The following HPCA variants were observed in gnomAD, a reference collection of about 807,000 sequenced individuals.
HPCA encodes neuron-specific calcium-binding protein hippocalcin.
A neutral mutation model predicts 18.2 loss-of-function variants in HPCA; 4 were observed. The ratio of observed to expected loss-of-function variants is 0.22; its 90% CI spans 0.11 to 0.50. The LOEUF (loss-of-function observed/expected upper bound fraction) is 0.50, where lower values mean the gene tolerates loss of function less well. HPCA is among the 20% of genes least tolerant of loss of function. The pLI, the probability that HPCA is intolerant of heterozygous loss-of-function variation, is 0.97. For missense variants in HPCA, 161 were observed against 265.8 expected (o/e 0.61, Z 2.74); for synonymous variants, 93 against 103.5 (o/e 0.90, Z 0.61).
chr1:32,889,067 C>G lies in HPCA; in HGVS notation c.169C>G (p.Pro57Ala). 1 of 1,614,240 alleles carries G rather than the reference C, an allele frequency of 6.2e-7. No homozygotes were observed. Among genetic ancestry groups the G allele is most frequent in the Non-Finnish European group, 8.5e-7 (1 of 1,180,034 alleles). The stretch of plus-strand genomic sequence containing the variant: ...CAAGAAGATCTACGCCAACTTCTTT[C>G]CCTATGGTGACGCCTCCAAGTTTGC... ...EFKKIYANFF[P>A]YGDASKFAEH... The change falls in exon 2 of 4, where the codon CCC becomes GCC. Residue 57 changes from proline to alanine, a missense_variant. By Grantham distance (27) the Pro-to-Ala change is conservative. Coordinates refer to ENST00000373467, the MANE Select transcript of HPCA (RefSeq NM_002143.3). This position sits in a 1 kb window ranked among gnomAD's most constrained non-coding sequence, Gnocchi z 4.6.
chr1:32,893,439 C>G lies in HPCA; in HGVS notation c.379-85C>G, dbSNP rs1337721343. On this transcript the variant is annotated intron_variant, in intron 2 of 3. Coordinates refer to ENST00000373467, the MANE Select transcript of HPCA (RefSeq NM_002143.3). This position sits in a 1 kb window ranked among gnomAD's most constrained non-coding sequence, Gnocchi z 7.5. ...TTGCCCAGGCGGGGGCAGCAAACGTCAGAGAGCCCGGGGGCGCCTCTGAAT... is the reference window on the plus strand; with the variant it reads ...TTGCCCAGGCGGGGGCAGCAAACGTGAGAGAGCCCGGGGGCGCCTCTGAAT... The G allele has an allele frequency of 2.1e-6, 2 of 956,330 alleles. No individual in the cohort carries two copies. Among genetic ancestry groups the G allele is most frequent in the Non-Finnish European group, 3.3e-6 (2 of 610,824 alleles). The allele number at this position is 956,330 out of a possible 1,614,324, so 59.2% of individuals were successfully genotyped here.
rs1053542 is a variant in HPCA, at chr1:32,894,633, C to T, written c.*771C>T. On this transcript the variant is annotated 3_prime_UTR_variant, in exon 4 of 4. Coordinates refer to ENST00000373467, the MANE Select transcript of HPCA (RefSeq NM_002143.3). ...CTTTTTAATAATTTCAGAATAAAGT[C>T]TCATTTCAGTGCAGTGGGCTGGGTG... is the stretch of plus-strand genomic sequence containing the variant. 30,431 of 760,198 alleles carry T rather than the reference C, an allele frequency of 0.04. 964 individuals are homozygous for T. Among genetic ancestry groups the T allele is most frequent in the Admixed American group, 0.15 (5,123 of 35,324 alleles). 47.1% of individuals were successfully genotyped at this position (760,198 alleles called of 1,614,324 possible). A position where few individuals can be genotyped will look rare whatever the true frequency, so the allele number is the denominator to read the frequency against.
chr1:32,889,374 T>A lies in HPCA; in HGVS notation c.378+98T>A. ...CTCAGCAGACCTCGTAGGCATGTGG[T>A]GGCAGGGGATATTCTTGCAATCCCA... On this transcript the variant is annotated intron_variant, in intron 2 of 3. Transcript: ENST00000373467. The surrounding 1 kb of genome is among the most constrained non-coding windows in gnomAD (Gnocchi z 4.6). 1 of 1,268,942 alleles carries A rather than the reference T, an allele frequency of 7.9e-7. No individual in the cohort carries two copies. The highest frequency in any genetic ancestry group is 1.1e-6 in the Non-Finnish European group (1 of 927,566). The allele number at this position is 1,268,942 out of a possible 1,614,324, so 78.6% of individuals were successfully genotyped here. A position where few individuals can be genotyped will look rare whatever the true frequency, so the allele number is the denominator to read the frequency against.
chr1:32,888,861 C>T lies in HPCA; in HGVS notation c.-21-17C>T. On this transcript the variant is annotated splice_polypyrimidine_tract_variant and intron_variant, in intron 1 of 3. Transcript: ENST00000373467. Reference sequence around the variant, plus strand: ...CCTGATCACTCCTCTCTGCCCTTGACCCCCTTGGGGACCCAGGTGGGACTT... The same window carrying T: ...CCTGATCACTCCTCTCTGCCCTTGATCCCCTTGGGGACCCAGGTGGGACTT... The T allele has an allele frequency of 6.3e-7, 1 of 1,579,698 alleles. No individual in the cohort carries two copies. Among genetic ancestry groups the T allele is most frequent in the Non-Finnish European group, 8.6e-7 (1 of 1,164,042 alleles).
Position 32,893,376 on chromosome 1 carries a change from C to A in HPCA, c.379-148C>A. The A allele has an allele frequency of 1.6e-6, 1 of 635,918 alleles. No homozygotes were observed. Among genetic ancestry groups the A allele is most frequent in the South Asian group, 1.9e-5 (1 of 52,362 alleles). 39.4% of individuals were successfully genotyped at this position (635,918 alleles called of 1,614,324 possible). On this transcript the variant is annotated intron_variant, in intron 2 of 3. Coordinates refer to ENST00000373467, the MANE Select transcript of HPCA (RefSeq NM_002143.3). The surrounding 1 kb of genome is among the most constrained non-coding windows in gnomAD (Gnocchi z 7.5). ...CTTCCCGGACACGCCTTCCCGAAGC[C>A]CTCGGCTCCCCACGCCTCCGTGATT...
In HPCA at chr1:32,893,994, G is replaced by C; in HGVS notation, c.*132G>C. 1.4e-6 allele frequency: 1 copy of C among 704,862 alleles called. No homozygotes were observed. Among genetic ancestry groups the C allele is most frequent in the Non-Finnish European group, 2.3e-6 (1 of 427,752 alleles). 43.7% of individuals were successfully genotyped at this position (704,862 alleles called of 1,614,324 possible). On this transcript the variant is annotated 3_prime_UTR_variant, in exon 4 of 4. Coordinates refer to ENST00000373467, the MANE Select transcript of HPCA (RefSeq NM_002143.3). This position sits in a 1 kb window ranked among gnomAD's most constrained non-coding sequence, Gnocchi z 7.5. ...TCTCCCCGGGTCTGCCCTGTGGGGG[G>C]CTTCCGGAAAAGGGAACCCTGCGGT...
chr1:32,893,736 C>T lies in HPCA; in HGVS notation c.485-29C>T, dbSNP rs545765453. On this transcript the variant is annotated intron_variant, in intron 3 of 3. Transcript: ENST00000373467. The surrounding 1 kb of genome is among the most constrained non-coding windows in gnomAD (Gnocchi z 7.5). ...TCCCCTCGCTAGGCTGCCGCCTCCTCCCCCATCACCGCTCCCCTCGCCCTG... is the reference window on the plus strand; with the variant it reads ...TCCCCTCGCTAGGCTGCCGCCTCCTTCCCCATCACCGCTCCCCTCGCCCTG... 3.8e-5 allele frequency: 59 copies of T among 1,550,014 alleles called. No individual in the cohort carries two copies. Among genetic ancestry groups the T allele is most frequent in the Admixed American group, 1.3e-4 (7 of 52,956 alleles).
In HPCA at chr1:32,893,652, G is replaced by A. The variant is rs1435529497; in HGVS notation, c.484+23G>A. On this transcript the variant is annotated intron_variant, in intron 3 of 3. Transcript: ENST00000373467. The surrounding 1 kb of genome is among the most constrained non-coding windows in gnomAD (Gnocchi z 7.5). ...ACGGTGAGGGGCAGGGGCGGGACGG[G>A]GTGGACGGGGCGGGCGCCTTTCCCT... The A allele has an allele frequency of 6.3e-7, 1 of 1,584,806 alleles. No individual in the cohort carries two copies. Among genetic ancestry groups the A allele is most frequent in the South Asian group, 1.1e-5 (1 of 90,276 alleles).
chr1:32,893,486 AG>A lies in HPCA; in HGVS notation c.379-36del, dbSNP rs762326492. 1 of 1,437,198 alleles carries A rather than the reference AG, an allele frequency of 7.0e-7. No homozygotes were observed. The highest frequency in any genetic ancestry group is 2.3e-5 in the East Asian group (1 of 43,604). The allele number at this position is 1,437,198 out of a possible 1,614,324, so 89.0% of individuals were successfully genotyped here. ...GAATCTTGCGGGTGGGGGCTCGGGC[AG>A]GCTCCTCTCACTCCCCGCCTCCCCT... On this transcript the variant is annotated intron_variant, in intron 2 of 3. Transcript: ENST00000373467. The surrounding 1 kb of genome is among the most constrained non-coding windows in gnomAD (Gnocchi z 7.5).
chr1:32,887,011 G>A (rs1044615071), intron 1 of HPCA, among the ~76,000 whole-genome samples: 12 of 152,202 alleles, frequency 7.9e-5, no homozygotes, highest in African/African-American at 2.9e-4. Context: ...CCCCACCCCG[G>A]TGACCCAGTT....
At position 32,891,472 on chromosome 1, in the gene HPCA, C is replaced by T. The variant is rs118165471; in HGVS notation, c.379-2052C>T. Among the ~76,000 whole-genome samples the T allele has an allele frequency of 5.9e-4, 90 of 152,244 alleles. No individual in the cohort carries two copies. The East Asian group carries it at 0.015, about 25-fold the overall frequency. On this transcript the variant is annotated intron_variant, in intron 2 of 3. Transcript: ENST00000373467. ...GAGACAGATGTGTAGGTCACACTGA[C>T]AAGCTCAGTGACAGGGGTGTAAAGG...
chr1:32,888,768 C>A, intron 1 of HPCA, 110 bp from the exon 2 acceptor site: 1 of 1,052,998 alleles, frequency 9.5e-7, no homozygotes, highest in Non-Finnish European at 1.4e-6. Context: ...TTCACTGGGC[C>A]AAACAAGAGG....
chr1:32,891,482 G>A (rs1024276859), intron 2 of HPCA, among the ~76,000 whole-genome samples: 2 of 152,184 alleles, frequency 1.3e-5, no homozygotes, highest in African/African-American at 2.4e-5. Context: ...CAAGCTCAGT[G>A]ACAGGGGTGT....
chr1:32,893,884 T>A lies in HPCA; in HGVS notation c.*22T>A. 6.7e-7 allele frequency: 1 copy of A among 1,497,998 alleles called. No homozygotes were observed. The allele number at this position is 1,497,998 out of a possible 1,614,324, so 92.8% of individuals were successfully genotyped here. A position where few individuals can be genotyped will look rare whatever the true frequency, so the allele number is the denominator to read the frequency against. Reference sequence around the variant, plus strand: ...CTGAGAGGAGCCAGGTTCCCCTTCCTCCCTCCCTTCACCGGCCCCCTCCCG... The same window carrying A: ...CTGAGAGGAGCCAGGTTCCCCTTCCACCCTCCCTTCACCGGCCCCCTCCCG... On this transcript the variant is annotated 3_prime_UTR_variant, in exon 4 of 4. Transcript: ENST00000373467. This position sits in a 1 kb window ranked among gnomAD's most constrained non-coding sequence, Gnocchi z 7.5.
chr1:32,887,240 C>G (rs1473268324), intron 1 of HPCA, among the ~76,000 whole-genome samples: 1 of 152,154 alleles, frequency 6.6e-6, no homozygotes, highest in Non-Finnish European at 1.5e-5. Context: ...CACGCTGTGA[C>G]GGGTGCATAC....
intron 1 of HPCA, among the ~76,000 whole-genome samples, chr1:32,888,359 G>C (rs1218987418): frequency 6.6e-6 from 1 of 152,146 alleles, no homozygotes; most frequent in Non-Finnish European, 1.5e-5. Flanking sequence ...CTGGGCTGCG[G>C]GTATATTCAG....
In HPCA at chr1:32,887,533, A is replaced by C. The variant is rs146332604; in HGVS notation, c.-22+1018A>C. Among the ~76,000 whole-genome samples, 99 of 152,012 alleles carry C rather than the reference A, an allele frequency of 6.5e-4. No homozygotes were observed. In the East Asian group the frequency reaches 0.016, roughly 25 times the overall value. On this transcript the variant is annotated intron_variant, in intron 1 of 3. Coordinates refer to ENST00000373467, the MANE Select transcript of HPCA (RefSeq NM_002143.3). ...ACTCAGCCTCCACAATCTAACCTGCACTCAGGGGACCTTTCAGGACTAGAT... is the reference window on the plus strand; with the variant it reads ...ACTCAGCCTCCACAATCTAACCTGCCCTCAGGGGACCTTTCAGGACTAGAT...
In HPCA at chr1:32,889,069, C is replaced by T. The variant is rs11554959; in HGVS notation, c.171C>T (p.Pro57=). ...AGAAGATCTACGCCAACTTCTTTCC[C>T]TATGGTGACGCCTCCAAGTTTGCCG... ...EFKKIYANFF[P]YGDASKFAEH... The change falls in exon 2 of 4, where the codon CCC becomes CCT. Residue 57 remains proline (P), a synonymous_variant. Coordinates refer to ENST00000373467, the MANE Select transcript of HPCA (RefSeq NM_002143.3). The surrounding 1 kb of genome is among the most constrained non-coding windows in gnomAD (Gnocchi z 4.6). The T allele has an allele frequency of 1.9e-6, 3 of 1,614,136 alleles. No homozygotes were observed. In the Admixed American group the frequency reaches 5.0e-5, roughly 27 times the overall value.
Position 32,888,926 on chromosome 1 carries a change from C to A in HPCA, c.28C>A (p.Pro10Thr). 2 of 1,613,326 alleles carry A rather than the reference C, an allele frequency of 1.2e-6. No individual in the cohort carries two copies. Among genetic ancestry groups the A allele is most frequent in the Non-Finnish European group, 1.7e-6 (2 of 1,179,616 alleles). ...GGGCAAGCAGAACAGCAAGCTGCGG[C>A]CCGAGATGTTGCAGGACCTGCGAGA... MGKQNSKLR[P>T]EMLQDLRENT... is the part of the protein sequence containing the mutation. The change falls in exon 2 of 4, where the codon CCC becomes ACC. Residue 10 changes from proline (P) to threonine (T), a missense_variant. Transcript: ENST00000373467.
Sources: gnomAD v4.1 joint callset for allele counts (sites outside exome capture counted in the v4.1 genomes callset) on GRCh38, gnomAD v4.1.1 for gene constraint, Gnocchi (gnomAD v3.1) non-coding constraint, MANE v1.5 for transcripts, NCBI Gene and HGNC (gene_info 2026-07-23, HGNC 2026-07-21) for gene names.